Variants in SDK1 observed in about 807,000 individuals in gnomAD.
SDK1 encodes sidekick cell adhesion molecule 1.
A neutral mutation model predicts 245.5 loss-of-function variants in SDK1; 157 were observed. The ratio of observed to expected loss-of-function variants is 0.64; its 90% confidence interval spans 0.56 to 0.73. The LOEUF (loss-of-function observed/expected upper bound fraction) is 0.73, where lower values mean the gene tolerates loss of function less well. Among genes scored for constraint, SDK1 ranks in the 30% least tolerant of loss-of-function variants. SDK1 has a pLI of 0.00. For synonymous variants in SDK1, 1,647 were observed against 1,278.5 expected (o/e 1.29, Z -6.15); for missense variants, 3,583 against 3,002.3 (o/e 1.19, Z -4.52).
chr7:3,502,115 A>C (rs548157882), intron 1 of SDK1, among the ~76,000 whole-genome samples: 1 of 152,188 alleles, frequency 6.6e-6, no homozygotes, highest in Non-Finnish European at 1.5e-5. Context: ...TATATTAGAC[A>C]AACGTGTGAG....
intron 1 of SDK1, among the ~76,000 whole-genome samples, chr7:3,325,582 G>C (rs1277770690): frequency 6.6e-6 from 1 of 151,924 alleles, no homozygotes; most frequent in East Asian, 1.9e-4. Context: ...ACAGACAATA[G>C]GTTTATAAAA....
chr7:3,815,642 G>A (rs1332370312), intron 4 of SDK1, among the ~76,000 whole-genome samples: 1 of 151,120 alleles, frequency 6.6e-6, no homozygotes, highest in Non-Finnish European at 1.5e-5. Context: ...ATGAGTTAGG[G>A]AGGATTCCCT....
At chr7:3,590,300 C>CTTTTTTTTTTTTT (rs200303832) in intron 1 of SDK1, among the ~76,000 whole-genome samples, 38 of 96,132 alleles carry the variant, frequency 4.0e-4, no homozygotes, top group Non-Finnish European at 4.4e-4. Flanking sequence ...TTTCCTGTTC[C>CTTTTTTTTTTTTT]TTTTTTTTTT....
At chr7:3,428,708 A>C (rs560784345) in intron 1 of SDK1, among the ~76,000 whole-genome samples, 1 of 152,204 alleles carries the variant, frequency 6.6e-6, no homozygotes, top group African/African-American at 2.4e-5. Context: ...GTAAAGAGCT[A>C]CTCAAAGCTA....
rs139057569 is a variant in SDK1, at chr7:3,773,605, C to T, written c.714-47845C>T. ...GATACTTTCTTATTTCTTTGTATGC[C>T]TTGTGATTTTTTGTTGTTGTTGGAA... On this transcript the variant is annotated intron_variant, in intron 4 of 44. Transcript: ENST00000404826. 5.5e-3 allele frequency among the ~76,000 whole-genome samples: 831 copies of T among 151,744 alleles called. 6 individuals carry two copies. The highest frequency in any genetic ancestry group is 0.01 in the Middle Eastern group (3 of 294).
At chr7:3,790,036 G>GTTA (rs1781031402) in intron 4 of SDK1, among the ~76,000 whole-genome samples, 1 of 152,136 alleles carries the variant, frequency 6.6e-6, no homozygotes, top group African/African-American at 2.4e-5. Flanking sequence ...GGACCAAATA[G>GTTA]TTATTCAGCG....
intron 1 of SDK1, among the ~76,000 whole-genome samples, chr7:3,439,467 T>G (rs189567944): frequency 2.0e-5 from 3 of 152,110 alleles, no homozygotes; most frequent in African/African-American, 7.2e-5. Context: ...GGTCAACCTT[T>G]CCTAAGACTC....
chr7:3,709,155 A>G (rs1406191055), intron 4 of SDK1, among the ~76,000 whole-genome samples: 1 of 152,210 alleles, frequency 6.6e-6, no homozygotes, highest in African/African-American at 2.4e-5. Context: ...TTCTCTCAGC[A>G]TTTATTTGTC....
chr7:3,564,769 T>C lies in SDK1; in HGVS notation c.299-54311T>C, dbSNP rs78941239. Reference sequence around the variant, plus strand: ...CTGAGAGAATTTTATGGTTGAGTTCTACTAAACTTTAGAAAGTTGGTTCTT... The same window carrying C: ...CTGAGAGAATTTTATGGTTGAGTTCCACTAAACTTTAGAAAGTTGGTTCTT... On this transcript the variant is annotated intron_variant, in intron 1 of 44. Transcript: ENST00000404826. Among the ~76,000 whole-genome samples, 1,288 of 152,276 alleles carry C rather than the reference T, an allele frequency of 8.5e-3. 20 individuals are homozygous for C. Among genetic ancestry groups the C allele is most frequent in the African/African-American group, 0.029 (1,215 of 41,552 alleles).
In SDK1 at chr7:4,077,178, G is replaced by C; in HGVS notation, c.3191G>C (p.Gly1064Ala). 2 of 1,614,094 alleles carry C rather than the reference G, an allele frequency of 1.2e-6. No homozygotes were observed. Among genetic ancestry groups the C allele is most frequent in the Non-Finnish European group, 1.7e-6 (2 of 1,180,004 alleles). The change falls in exon 21 of 45, where the codon GGA (glycine) becomes GCA (alanine). Residue 1064 changes from glycine (G) to alanine (A), a missense_variant. Physicochemically the swap from Gly to Ala is moderately conservative, Grantham distance 60. Transcript: ENST00000404826. ...GLVTSSTISS[G>A]VPPDLPGAPS... The stretch of plus-strand genomic sequence containing the variant: ...GTGACTTCATCCACCATTTCTTCTG[G>C]AGTGCCCCCAGGTCAGTAGAATCGT...
chr7:3,718,083 G>A (rs1324130557), intron 4 of SDK1, among the ~76,000 whole-genome samples: 1 of 152,174 alleles, frequency 6.6e-6, no homozygotes, highest in Admixed American at 6.5e-5. Context: ...CCAAGTGGGT[G>A]TTATTCCAGG....
intron 1 of SDK1, among the ~76,000 whole-genome samples, chr7:3,585,851 T>C (rs1780669750): frequency 6.6e-6 from 1 of 152,214 alleles, no homozygotes; most frequent in Non-Finnish European, 1.5e-5. Flanking sequence ...AATCTGTTTC[T>C]CTTTTCCATT....
chr7:3,397,617 T>G (rs1009362190), intron 1 of SDK1, among the ~76,000 whole-genome samples: 2 of 152,036 alleles, frequency 1.3e-5, no homozygotes, highest in East Asian at 3.9e-4. Flanking sequence ...ACAGATTCTG[T>G]CTTTGAACAT....
intron 28 of SDK1, among the ~76,000 whole-genome samples, chr7:4,139,627 A>G (rs1358712279): frequency 1.6e-4 from 6 of 38,030 alleles, no homozygotes; most frequent in Admixed American, 2.7e-4. Flanking sequence ...GTGTGTGTGT[A>G]TATGTATATA....
chr7:4,023,570 C>T (rs1459471486), intron 17 of SDK1, among the ~76,000 whole-genome samples: 4 of 152,104 alleles, frequency 2.6e-5, no homozygotes, highest in South Asian at 2.1e-4. Flanking sequence ...GAAATCAATA[C>T]GCTTTTGGTG....
intron 1 of SDK1, among the ~76,000 whole-genome samples, chr7:3,340,852 G>T (rs1173280208): frequency 6.6e-6 from 1 of 151,356 alleles, no homozygotes; most frequent in African/African-American, 2.4e-5. Context: ...TAAAGAAATT[G>T]AATTCTTAAT....
In SDK1 at chr7:4,173,640, C is replaced by A. The variant is rs114799527; in HGVS notation, c.4801-582C>A. 3.0e-3 allele frequency among the ~76,000 whole-genome samples: 451 copies of A among 152,290 alleles called. 2 individuals are homozygous for A. Among genetic ancestry groups the A allele is most frequent in the African/African-American group, 0.01 (434 of 41,560 alleles). ...GCAAGGGTGTATTGTTTGCCTGGGG[C>A]AGCTGAAGCAGATCACCGGACCGCA... On this transcript the variant is annotated intron_variant, in intron 32 of 44. Transcript: ENST00000404826.
chr7:3,963,018 C>G (rs62439588), intron 9 of SDK1, among the ~76,000 whole-genome samples, 167 bp downstream of exon 9: 28 of 116,270 alleles, frequency 2.4e-4, no homozygotes, highest in African/African-American at 6.4e-4. Context: ...GATGTAACCA[C>G]TGGGTACACC....
At chr7:4,205,429 C>T (rs920428557) in intron 35 of SDK1, among the ~76,000 whole-genome samples, 3 of 152,138 alleles carry the variant, frequency 2.0e-5, no homozygotes, top group African/African-American at 7.2e-5. Context: ...ATTGCTGGGA[C>T]CTCAAGTTAA....
Sources: allele counts gnomAD v4.1 joint callset (sites outside exome capture counted in the v4.1 genomes callset), GRCh38; gene constraint gnomAD v4.1.1; transcripts MANE v1.5; gene names NCBI Gene and HGNC (gene_info 2026-07-23, HGNC 2026-07-21).